The following GAD1 variants were observed in gnomAD, a reference collection of about 807,000 sequenced individuals.
The protein encoded by GAD1 is 67 kDa glutamic acid decarboxylase.
GAD1 carries 35 observed loss-of-function variants against 75.2 expected under a neutral mutation model. That is an observed-to-expected ratio of 0.47 (90% CI 0.36 to 0.62). The LOEUF is 0.62. Among genes scored for constraint, GAD1 ranks in the 20% least tolerant of loss-of-function variants. GAD1 has a pLI of 0.00. For synonymous variants in GAD1, 257 were observed against 271.9 expected (o/e 0.95, Z 0.54); for missense variants, 490 against 758.5 (o/e 0.65, Z 4.16).
At chr2:170,859,412 C>T (rs1702916017) in intron 16 of GAD1, among the ~76,000 whole-genome samples, 1 of 152,176 alleles carries the variant, frequency 6.6e-6, no homozygotes, top group East Asian at 1.9e-4. Context: ...CTGGGTTATA[C>T]AAAACCCTGA....
At chr2:170,820,238 TC>T (rs1345171905) in intron 2 of GAD1, among the ~76,000 whole-genome samples, 1 of 152,164 alleles carries the variant, frequency 6.6e-6, no homozygotes, top group Non-Finnish European at 1.5e-5. Flanking sequence ...CTTACGGAAT[TC>T]CCGGTGGCCG....
At chr2:170,817,486 G>A (rs1438572995) in intron 1 of GAD1, 1 of 152,406 alleles carries the variant, frequency 6.6e-6, no homozygotes, top group Non-Finnish European at 1.5e-5. Flanking sequence ...GCGCGCGCGG[G>A]GCTAGGAGTG....
At chr2:170,852,880 G>T in intron 13 of GAD1, 88 bp downstream of exon 13, 1 of 1,143,168 alleles carries the variant, frequency 8.7e-7, no homozygotes, top group East Asian at 2.4e-5. Context: ...TGCAGTACTT[G>T]TTGGCTGACT....
In GAD1 at chr2:170,859,691, T is replaced by G; in HGVS notation, c.1612-18T>G. On this transcript the variant is annotated intron_variant, in intron 16 of 16. Transcript: ENST00000358196. ...TTCATATCAATCTTGAGTTTTGTTT[T>G]GTGTTTTCCATCACAAGGTGGCTCC... The G allele has an allele frequency of 6.2e-7, 1 of 1,613,832 alleles. No individual in the cohort carries two copies. The highest frequency in any genetic ancestry group is 8.5e-7 in the Non-Finnish European group (1 of 1,179,826).
intron 6 of GAD1, among the ~76,000 whole-genome samples, chr2:170,840,587 G>A (rs1037420158): frequency 4.1e-5 from 6 of 146,432 alleles, no homozygotes; most frequent in Admixed American, 1.4e-4. Context: ...CCATCACTCC[G>A]GTGTTCCAGA....
chr2:170,849,007 T>C, intron 11 of GAD1: 1 of 504,118 alleles, frequency 2.0e-6, no homozygotes, highest in East Asian at 3.9e-5. Context: ...AATGGGCCAT[T>C]GGACCTTTGG....
chr2:170,826,680 C>T (rs955297076), intron 3 of GAD1, among the ~76,000 whole-genome samples: 2 of 151,992 alleles, frequency 1.3e-5, no homozygotes, highest in Non-Finnish European at 2.9e-5. Context: ...CTGCAGCTGC[C>T]CAGAGGGAAG....
upstream of GAD1, among the ~76,000 whole-genome samples, chr2:170,815,591 CGTGCG>C (rs746479283): frequency 3.2e-4 from 48 of 152,306 alleles, 1 homozygote; most frequent in South Asian, 2.7e-3. Flanking sequence ...AGGCCCCAGA[CGTGCG>C]CATAAATAAC....
At chr2:170,852,493 A>G (rs1559285378) in intron 12 of GAD1, 4 of 587,512 alleles carry the variant, frequency 6.8e-6, no homozygotes, top group Non-Finnish European at 1.2e-5. Flanking sequence ...TTATTCATAA[A>G]TGTTAGCTAT....
chr2:170,833,748 A>G (rs1342087105), intron 5 of GAD1, among the ~76,000 whole-genome samples: 1 of 152,220 alleles, frequency 6.6e-6, no homozygotes, highest in African/African-American at 2.4e-5. Context: ...GGTGGCTCAC[A>G]CTCGTGATCC....
chr2:170,815,228 A>T (rs45628439), upstream of GAD1, among the ~76,000 whole-genome samples: 2,983 of 152,252 alleles, frequency 0.02, 43 homozygotes, highest in South Asian at 0.045. Flanking sequence ...TACGTGGAGC[A>T]GACACCCCCA....
chr2:170,844,137 G>A lies in GAD1; in HGVS notation c.731G>A (p.Gly244Asp). The A allele has an allele frequency of 6.3e-7, 1 of 1,590,622 alleles. No homozygotes were observed. Among genetic ancestry groups the A allele is most frequent in the South Asian group, 1.1e-5 (1 of 90,590 alleles). ...ATAGTTGGATGGTCAAGTAAAGATGGTGATGGGATATTTTCTCCTGGTAGG... is the reference window on the plus strand; with the variant it reads ...ATAGTTGGATGGTCAAGTAAAGATGATGATGGGATATTTTCTCCTGGTAGG... Reference protein sequence around the residue: ...REIVGWSSKDGDGIFSPGGAI... With the variant: ...REIVGWSSKDDDGIFSPGGAI... Residue 244 changes from glycine to aspartate, a missense_variant, in exon 7 of 17, where the codon GGT becomes GAT. Around this residue, in one of 3 missense-constraint regions of GAD1, gnomAD observed 324 missense variants for 523.9 expected, o/e 0.62. Coordinates refer to ENST00000358196, the MANE Select transcript of GAD1 (RefSeq NM_000817.3).
At chr2:170,829,695 C>A in intron 4 of GAD1, 62 bp downstream of exon 4, 1 of 1,548,838 alleles carries the variant, frequency 6.5e-7, no homozygotes, top group Non-Finnish European at 8.9e-7. Context: ...AGTTTCTTGA[C>A]TTTTTCCTGC....
intron 9 of GAD1, 23 bp downstream of exon 9, chr2:170,845,808 T>C (rs1447166612): frequency 1.2e-6 from 2 of 1,606,408 alleles, no homozygotes; most frequent in South Asian, 1.1e-5. Context: ...GGGTGAATAT[T>C]AGGTTCTTGA....
upstream of GAD1, among the ~76,000 whole-genome samples, chr2:170,815,653 T>G (rs1304451114): frequency 1.3e-5 from 2 of 152,082 alleles, no homozygotes; most frequent in South Asian, 4.2e-4. Context: ...CCACGGTAAA[T>G]ACCAGTAAAG....
intron 3 of GAD1, among the ~76,000 whole-genome samples, chr2:170,827,703 A>C (rs1032569705): frequency 6.6e-6 from 1 of 152,168 alleles, no homozygotes; most frequent in South Asian, 2.1e-4. Flanking sequence ...GTTTTATTCC[A>C]GCATTTGTCA....
chr2:170,836,718 T>C (rs1400406062), intron 5 of GAD1, 75 bp from the exon 6 acceptor site: 5 of 983,876 alleles, frequency 5.1e-6, no homozygotes, highest in Non-Finnish European at 8.2e-6. Flanking sequence ...TGTGACCCAG[T>C]GGGGCAGGCC....
chr2:170,814,563 C>T (rs556622395), upstream of GAD1, among the ~76,000 whole-genome samples: 1 of 152,304 alleles, frequency 6.6e-6, no homozygotes, highest in East Asian at 1.9e-4. Flanking sequence ...TCCCGGCGTG[C>T]AGGATAATAT....
At chr2:170,821,968 T>C in intron 2 of GAD1, 119 bp from the exon 3 acceptor site, 1 of 880,604 alleles carries the variant, frequency 1.1e-6, no homozygotes, top group Admixed American at 2.0e-5. Flanking sequence ...AGGAAGTAGC[T>C]TTTAATGAAG....
Sources: gnomAD v4.1 joint callset for allele counts (sites outside exome capture counted in the v4.1 genomes callset) on GRCh38, gnomAD v4.1.1 for gene constraint, gnomAD v4.1.1 regional missense constraint, MANE v1.5 for transcripts, NCBI Gene and HGNC (gene_info 2026-07-23, HGNC 2026-07-21) for gene names.